Variants in ZBTB7C observed in about 807,000 individuals in gnomAD.
The protein encoded by ZBTB7C is zinc finger and BTB domain-containing protein 7C.
Under a neutral mutation model 25.7 loss-of-function variants are expected in ZBTB7C, and 8 were observed. The ratio of observed to expected loss-of-function variants is 0.31; its 90% CI spans 0.18 to 0.56. The LOEUF is 0.56. Ranked by LOEUF, ZBTB7C falls within the 20% of genes least tolerant of loss-of-function variation. The pLI, the probability that ZBTB7C is intolerant of heterozygous loss-of-function variation, is 0.91. For synonymous variants in ZBTB7C, 394 were observed against 369.0 expected (o/e 1.07, Z -0.78); for missense variants, 824 against 855.2 (o/e 0.96, Z 0.46).
chr18:48,312,694 G>A (rs113954771), intron 2 of ZBTB7C, among the ~76,000 whole-genome samples: 77 of 152,328 alleles, frequency 5.1e-4, no homozygotes, highest in African/African-American at 1.6e-3. Context: ...CTGGCACACA[G>A]TAGGTACTCC....
chr18:48,136,563 T>C (rs1327595572), intron 3 of ZBTB7C, among the ~76,000 whole-genome samples: 1 of 151,704 alleles, frequency 6.6e-6, no homozygotes, highest in African/African-American at 2.4e-5. Flanking sequence ...GGACCAAGCA[T>C]TCTTGGGGGA....
At chr18:48,268,881 C>A (rs1006473462) in intron 2 of ZBTB7C, among the ~76,000 whole-genome samples, 1 of 151,854 alleles carries the variant, frequency 6.6e-6, no homozygotes, top group Non-Finnish European at 1.5e-5. Context: ...AAATTTATTG[C>A]TCACAGTTCT....
In ZBTB7C at chr18:48,029,634, C is replaced by T. The variant is rs895937217; in HGVS notation, c.1486G>A (p.Gly496Ser). ...WRAASLLFGPGGPAPDKAAFV... is the reference protein window; with the variant it reads ...WRAASLLFGPSGPAPDKAAFV... ...GCCGCCTTGTCGGGGGCCGGGCCGC[C>T]GGGCCCGAAGAGCAGGCTGGCGGCC... is the stretch of plus-strand genomic sequence containing the variant. Residue 496 changes from glycine (G) to serine (S), a missense_variant, in exon 5 of 5, where the codon GGC becomes AGC. Transcript: ENST00000590800. 1.8e-5 allele frequency: 27 copies of T among 1,511,848 alleles called. 1 individual carries two copies. Among genetic ancestry groups the T allele is most frequent in the African/African-American group, 9.8e-5 (7 of 71,384 alleles). The allele number at this position is 1,511,848 out of a possible 1,614,324, so 93.7% of individuals were successfully genotyped here.
intron 1 of ZBTB7C, among the ~76,000 whole-genome samples, chr18:48,355,390 G>A (rs374485713): frequency 1.8e-4 from 28 of 152,104 alleles, no homozygotes; most frequent in South Asian, 1.2e-3. Context: ...TCTGCTTAGC[G>A]GAGCCAAACT....
intron 2 of ZBTB7C, among the ~76,000 whole-genome samples, chr18:48,287,477 A>G (rs2045091300): frequency 6.6e-6 from 1 of 152,218 alleles, no homozygotes; most frequent in South Asian, 2.1e-4. Context: ...TTCACAGGAA[A>G]GTTCTATCAG....
intron 3 of ZBTB7C, among the ~76,000 whole-genome samples, chr18:48,081,464 T>C (rs1300685357): frequency 4.6e-5 from 7 of 151,538 alleles, no homozygotes; most frequent in Non-Finnish European, 8.8e-5. Context: ...TCTTTTTCTT[T>C]TTTTTTTTGG....
intron 3 of ZBTB7C, among the ~76,000 whole-genome samples, chr18:48,061,905 G>A (rs77499272): frequency 4.3e-4 from 66 of 152,182 alleles, no homozygotes; most frequent in African/African-American, 1.2e-3. Context: ...TTCTACTGTC[G>A]AAAGCAGGAA....
chr18:48,395,550 C>T (rs765007971), intron 1 of ZBTB7C, among the ~76,000 whole-genome samples: 14 of 151,332 alleles, frequency 9.3e-5, no homozygotes, highest in East Asian at 1.9e-4. Context: ...GTGTTCTATG[C>T]GAATGCTTTA....
chr18:48,263,354 C>T (rs1477183444), intron 2 of ZBTB7C, among the ~76,000 whole-genome samples: 2 of 152,236 alleles, frequency 1.3e-5, no homozygotes, highest in African/African-American at 4.8e-5. Flanking sequence ...GATGCTGGTG[C>T]AGCCTCCTTG....
chr18:48,105,958 G>T (rs1452544824), intron 3 of ZBTB7C, among the ~76,000 whole-genome samples: 1 of 152,240 alleles, frequency 6.6e-6, no homozygotes, highest in Non-Finnish European at 1.5e-5. Context: ...ATGGTCTCAT[G>T]TTTTAGAACC....
chr18:48,191,130 A>C (rs540158736), intron 2 of ZBTB7C, among the ~76,000 whole-genome samples: 2 of 152,088 alleles, frequency 1.3e-5, no homozygotes, highest in Non-Finnish European at 2.9e-5. Flanking sequence ...GCACACACCC[A>C]CCTTGCAGAG....
At chr18:48,344,589 T>C (rs920836560) in intron 1 of ZBTB7C, among the ~76,000 whole-genome samples, 1 of 152,090 alleles carries the variant, frequency 6.6e-6, no homozygotes, top group Non-Finnish European at 1.5e-5. Context: ...TAGACAAAGA[T>C]GGTATAATGG....
chr18:48,125,853 C>T lies in ZBTB7C; in HGVS notation c.-17+60081G>A, dbSNP rs540164988. 3.3e-5 allele frequency among the ~76,000 whole-genome samples: 5 copies of T among 152,298 alleles called. No individual in the cohort carries two copies. The East Asian group carries it at 9.7e-4, about 29-fold the overall frequency. On this transcript the variant is annotated intron_variant, in intron 3 of 4. Transcript: ENST00000590800. ...GTGTGGTGTGGCTGCACTGAGGTCGCTAGCCACGCATTCTAAGAATGCAAG... is the reference window on the plus strand; with the variant it reads ...GTGTGGTGTGGCTGCACTGAGGTCGTTAGCCACGCATTCTAAGAATGCAAG...
At chr18:48,389,151 C>T (rs1303210317) in intron 1 of ZBTB7C, among the ~76,000 whole-genome samples, 5 of 149,912 alleles carry the variant, frequency 3.3e-5, no homozygotes, top group African/African-American at 4.9e-5. Context: ...AAACCACATT[C>T]TGTCATTTAT....
At chr18:48,081,440 T>C (rs2037978462) in intron 3 of ZBTB7C, among the ~76,000 whole-genome samples, 1 of 124,854 alleles carries the variant, frequency 8.0e-6, no homozygotes, top group African/African-American at 3.6e-5. Flanking sequence ...TGATTTCTTT[T>C]TTCTTTTTCT....
intron 2 of ZBTB7C, among the ~76,000 whole-genome samples, chr18:48,277,383 AAC>A (rs546281936): frequency 6.6e-6 from 1 of 151,708 alleles, no homozygotes; most frequent in Non-Finnish European, 1.5e-5. Context: ...GCAGCCAAAA[AAC>A]ACATGAAAAA....
At chr18:48,257,769 C>T (rs72907426) in intron 2 of ZBTB7C, among the ~76,000 whole-genome samples, 18,454 of 150,154 alleles carry the variant, frequency 0.12, 1,425 homozygotes, top group Admixed American at 0.2. Flanking sequence ...CAGTGTAAGG[C>T]GCTGTATTAA....
intron 2 of ZBTB7C, chr18:48,252,283 C>G (rs1365165724): frequency 1.3e-5 from 2 of 152,170 alleles, no homozygotes; most frequent in African/African-American, 4.8e-5. Flanking sequence ...TCCTGACCTT[C>G]CATTTCTTCA....
At chr18:48,042,948 A>C (rs2036314428) in intron 3 of ZBTB7C, among the ~76,000 whole-genome samples, 1 of 152,248 alleles carries the variant, frequency 6.6e-6, no homozygotes, top group Non-Finnish European at 1.5e-5. Flanking sequence ...CAAACAGAGT[A>C]TACAGATGGC....
Sources: allele counts gnomAD v4.1 joint callset (sites outside exome capture counted in the v4.1 genomes callset), GRCh38; gene constraint gnomAD v4.1.1; transcripts MANE v1.5; gene names NCBI Gene and HGNC (gene_info 2026-07-23, HGNC 2026-07-21).